The following MAGOH variants were observed in gnomAD, a reference collection of about 807,000 sequenced individuals.
MAGOH encodes protein mago nashi homolog.
Under a neutral mutation model 20.9 loss-of-function variants are expected in MAGOH, and 3 were observed. The ratio of observed to expected loss-of-function variants is 0.14; its 90% confidence interval spans 0.07 to 0.37. The LOEUF (loss-of-function observed/expected upper bound fraction) is 0.37, where lower values mean the gene tolerates loss of function less well. Ranked by LOEUF, MAGOH falls within the 10% of genes least tolerant of loss-of-function variation. MAGOH has a pLI of 1.00. For synonymous variants in MAGOH, 51 were observed against 61.0 expected, an observed-to-expected ratio of 0.84 and a Z score of 0.76; for missense variants, 66 against 178.1, an observed-to-expected ratio of 0.37 and a Z score of 3.58.
chr1:53,235,143 A>G (rs1354763856), intron 2 of MAGOH, among the ~76,000 whole-genome samples: 3 of 152,224 alleles, frequency 2.0e-5, no homozygotes, highest in Non-Finnish European at 4.4e-5. Flanking sequence ...TCCCACTCAG[A>G]TGTAAATTAA....
rs746158651 is a variant in MAGOH at position 53,235,526 on chromosome 1, A to G, written c.147+51T>C. ...AAACAATAAAAACAATGCAAGACAA[A>G]AAGCTGAAATGTAGCAAATGAAGGA... On this transcript the variant is annotated intron_variant, in intron 2 of 4. Coordinates refer to ENST00000371470, the MANE Select transcript of MAGOH (RefSeq NM_002370.4). 5.3e-6 allele frequency: 8 copies of G among 1,505,662 alleles called. No individual in the cohort carries two copies. The African/African-American group carries it at 1.1e-4, about 21-fold the overall frequency. 93.3% of individuals were successfully genotyped at this position (1,505,662 alleles called of 1,614,324 possible). A position where few individuals can be genotyped will look rare whatever the true frequency, so the allele number is the denominator to read the frequency against.
intron 4 of MAGOH, among the ~76,000 whole-genome samples, chr1:53,227,631 C>T (rs935303228): frequency 2.0e-5 from 3 of 152,256 alleles, no homozygotes; most frequent in South Asian, 2.1e-4. Context: ...ACCTCCGCCT[C>T]CCAGGTTCAA....
intron 1 of MAGOH, among the ~76,000 whole-genome samples, chr1:53,236,668 C>T (rs1247469156): frequency 6.6e-6 from 1 of 152,214 alleles, no homozygotes; most frequent in East Asian, 1.9e-4. Context: ...TAGGTGCACC[C>T]TTCTCTGCTG....
intron 3 of MAGOH, among the ~76,000 whole-genome samples, chr1:53,231,870 T>A (rs1645588193): frequency 6.6e-6 from 1 of 152,234 alleles, no homozygotes; most frequent in Non-Finnish European, 1.5e-5. Context: ...AAAACTGACA[T>A]CTTTATGATA....
chr1:53,228,981 C>A, intron 3 of MAGOH, 27 bp from the exon 4 acceptor site: 2 of 1,470,960 alleles, frequency 1.4e-6, no homozygotes, highest in South Asian at 2.3e-5. Context: ...AAATCGAAGT[C>A]AAGTAGAATT....
chr1:53,228,537 A>G (rs941509827), intron 4 of MAGOH, among the ~76,000 whole-genome samples: 1 of 152,248 alleles, frequency 6.6e-6, no homozygotes, highest in Admixed American at 6.5e-5. Flanking sequence ...CAACAGTCAC[A>G]CTGAGAAAGC....
chr1:53,237,504 G>T (rs1645618049), intron 1 of MAGOH, among the ~76,000 whole-genome samples: 1 of 150,190 alleles, frequency 6.7e-6, no homozygotes, highest in African/African-American at 2.4e-5. Flanking sequence ...GTGAAACTCC[G>T]TCTCTACTAA....
chr1:53,233,497 T>G, intron 3 of MAGOH, 45 bp downstream of exon 3: 2 of 1,391,242 alleles, frequency 1.4e-6, no homozygotes, highest in Non-Finnish European at 2.0e-6. Context: ...GTGGGGGGTC[T>G]TATTTGTAAG....
At chr1:53,231,160 T>C (rs1313743909) in intron 3 of MAGOH, among the ~76,000 whole-genome samples, 2 of 152,258 alleles carry the variant, frequency 1.3e-5, no homozygotes, top group African/African-American at 4.8e-5. Context: ...CCTTTCATTT[T>C]ACAAATGAAG....
chr1:53,232,007 T>C (rs375067509), intron 3 of MAGOH, among the ~76,000 whole-genome samples: 1 of 152,220 alleles, frequency 6.6e-6, no homozygotes, highest in Non-Finnish European at 1.5e-5. Context: ...ATTAATGGAA[T>C]TGATTTTAAT....
intron 3 of MAGOH, among the ~76,000 whole-genome samples, chr1:53,231,448 C>T (rs1180209781): frequency 6.6e-6 from 1 of 152,126 alleles, no homozygotes; most frequent in Non-Finnish European, 1.5e-5. Flanking sequence ...CCTTCTCTAC[C>T]CAGAAATAAT....
Position 53,238,414 on chromosome 1 carries a change from C to A in MAGOH, c.35G>T (p.Gly12Val). The change falls in exon 1 of 5, where the codon GGG (glycine) becomes GTG (valine). Residue 12 changes from glycine (G) to valine (V), a missense_variant. Gly to Val is a moderately radical substitution (Grantham distance 109, BLOSUM62 -3). Coordinates refer to ENST00000371470, the MANE Select transcript of MAGOH (RefSeq NM_002370.4). ...CTCGTGGCCGAACTTGCCCTTGTGCCCCACGTAGTAACGCAGATAAAAGTC... is the reference window on the plus strand; with the variant it reads ...CTCGTGGCCGAACTTGCCCTTGTGCACCACGTAGTAACGCAGATAAAAGTC... ...ESDFYLRYYV[G>V]HKGKFGHEFL... The A allele has an allele frequency of 6.2e-7, 1 of 1,614,120 alleles. No homozygotes were observed.
chr1:53,235,660 A>G (rs372377226), intron 1 of MAGOH, 25 bp from the exon 2 acceptor site: 53 of 1,592,470 alleles, frequency 3.3e-5, no homozygotes, highest in Admixed American at 2.5e-4. Flanking sequence ...AACAATTTCA[A>G]CGTATAATAA....
intron 3 of MAGOH, among the ~76,000 whole-genome samples, chr1:53,232,537 T>G (rs1335596955): frequency 6.6e-6 from 1 of 152,220 alleles, no homozygotes; most frequent in Non-Finnish European, 1.5e-5. Flanking sequence ...AAGACATCAC[T>G]GAGGAAGTGA....
At chr1:53,230,990 A>G (rs895996083) in intron 3 of MAGOH, among the ~76,000 whole-genome samples, 1 of 152,220 alleles carries the variant, frequency 6.6e-6, no homozygotes, top group Non-Finnish European at 1.5e-5. Flanking sequence ...ATGTCTCCAT[A>G]TAATTCCTAG....
chr1:53,236,949 C>CTTT (rs55693928), intron 1 of MAGOH, among the ~76,000 whole-genome samples: 27 of 128,014 alleles, frequency 2.1e-4, no homozygotes, highest in East Asian at 1.2e-3. Context: ...CAACCAGTAT[C>CTTT]TTTTTTTTTT....
intron 1 of MAGOH, among the ~76,000 whole-genome samples, chr1:53,237,034 T>G (rs1645613913): frequency 7.0e-6 from 1 of 142,554 alleles, no homozygotes; most frequent in Admixed American, 7.3e-5. Context: ...TGCTGCAACC[T>G]CCGCCCCAGG....
At chr1:53,234,548 G>C (rs1183181307) in intron 2 of MAGOH, among the ~76,000 whole-genome samples, 2 of 151,602 alleles carry the variant, frequency 1.3e-5, no homozygotes, top group Non-Finnish European at 2.9e-5. Flanking sequence ...TAATTTTTTT[G>C]TATTTTCAGT....
chr1:53,228,975 CGAAGTCAAGTAGAAT>C, intron 3 of MAGOH, 21 bp from the exon 4 acceptor site: 1 of 1,524,428 alleles, frequency 6.6e-7, no homozygotes, highest in Non-Finnish European at 9.1e-7. Context: ...TTTAGAAAAT[CGAAGTCAAGTAGAAT>C]TGGATTATTC....
Sources: gnomAD v4.1 joint callset for allele counts (sites outside exome capture counted in the v4.1 genomes callset) on GRCh38, gnomAD v4.1.1 for gene constraint, MANE v1.5 for transcripts, NCBI Gene and HGNC (gene_info 2026-07-23, HGNC 2026-07-21) for gene names.